Variants in NEK11 observed in about 807,000 individuals in gnomAD.
NEK11 encodes the protein serine/threonine-protein kinase Nek11.
A neutral mutation model predicts 80.7 loss-of-function variants in NEK11; 72 were observed. That is an observed-to-expected ratio of 0.89 (90% CI 0.74 to 1.08). NEK11 has a LOEUF of 1.08. Among genes scored for constraint, NEK11 ranks in the 50% least tolerant of loss-of-function variants. NEK11 has a pLI of 0.00. For missense variants in NEK11, 764 were observed against 763.6 expected (o/e 1.00, Z -0.01); for synonymous variants, 251 against 260.7 (o/e 0.96, Z 0.36).
chr3:131,273,356 T>C lies in NEK11; in HGVS notation c.1622-122T>C, dbSNP rs2096234604. The C allele has an allele frequency of 4.7e-6, 3 of 644,920 alleles. No homozygotes were observed. In the Admixed American group the frequency reaches 7.8e-5, roughly 17 times the overall value. 39.9% of individuals were successfully genotyped at this position (644,920 alleles called of 1,614,324 possible). ...GTGTTATAATTGAATTCATCTCTAA[T>C]TAATGTAGCATTACCATGTGGCAAA... On this transcript the variant is annotated intron_variant, in intron 16 of 17. Transcript: ENST00000383366.
chr3:131,197,512 C>T (rs2094066641), intron 14 of NEK11, among the ~76,000 whole-genome samples: 1 of 152,076 alleles, frequency 6.6e-6, no homozygotes, highest in African/African-American at 2.4e-5. Flanking sequence ...GCCTGAAGTG[C>T]AGGGGATTAT....
chr3:131,058,660 T>G (rs1172699197), intron 3 of NEK11, among the ~76,000 whole-genome samples: 1 of 152,196 alleles, frequency 6.6e-6, no homozygotes, highest in Non-Finnish European at 1.5e-5. Context: ...CCTTAAGAGA[T>G]TCATACTACA....
At chr3:131,155,995 G>A (rs927780016) in intron 10 of NEK11, among the ~76,000 whole-genome samples, 10 of 152,122 alleles carry the variant, frequency 6.6e-5, no homozygotes, top group East Asian at 3.8e-4. Flanking sequence ...TTCAAGAAAC[G>A]TCGAAATTTC....
intron 17 of NEK11, among the ~76,000 whole-genome samples, chr3:131,301,240 C>T (rs1469847238): frequency 6.6e-6 from 1 of 152,122 alleles, no homozygotes; most frequent in Admixed American, 6.6e-5. Context: ...TAGGCTGAAG[C>T]TTTGCTGATG....
intron 14 of NEK11, among the ~76,000 whole-genome samples, chr3:131,177,319 T>G (rs930211110): frequency 3.9e-5 from 6 of 152,224 alleles, no homozygotes; most frequent in African/African-American, 1.4e-4. Flanking sequence ...TTGTTTTTCA[T>G]CAATAAAATG....
chr3:131,133,240 C>A (rs927294527), intron 6 of NEK11: 2 of 454,932 alleles, frequency 4.4e-6, no homozygotes, highest in Admixed American at 4.7e-5. Flanking sequence ...CTTTATTAAC[C>A]TTTAGTTCTT....
In NEK11 at chr3:131,334,114, G is replaced by A. The variant is rs1284003339; in HGVS notation, c.1719-15443G>A. Among the ~76,000 whole-genome samples the A allele has an allele frequency of 5.9e-5, 9 of 152,210 alleles. No individual in the cohort carries two copies. In the South Asian group the frequency reaches 1.7e-3, roughly 28 times the overall value. ...AATTGAACTCAGCTCTGCACCAAGT[G>A]GACCTAATAGACATCTACAGAACTC... On this transcript the variant is annotated intron_variant, in intron 17 of 17. Coordinates refer to ENST00000383366, the MANE Select transcript of NEK11 (RefSeq NM_024800.5).
chr3:131,142,837 G>A (rs1357372518), intron 7 of NEK11, among the ~76,000 whole-genome samples: 10 of 152,114 alleles, frequency 6.6e-5, no homozygotes, highest in Non-Finnish European at 1.3e-4. Flanking sequence ...GGAGGACATG[G>A]GACCACTACA....
chr3:131,089,524 T>A (rs2076439265), intron 4 of NEK11, among the ~76,000 whole-genome samples: 1 of 152,178 alleles, frequency 6.6e-6, no homozygotes, highest in African/African-American at 2.4e-5. Context: ...CTGTAACCTC[T>A]GCCTCCTAGG....
At chr3:131,315,174 A>G (rs1266285161) in intron 17 of NEK11, among the ~76,000 whole-genome samples, 2 of 152,152 alleles carry the variant, frequency 1.3e-5, no homozygotes, top group Non-Finnish European at 2.9e-5. Flanking sequence ...ACCAGTATAC[A>G]ATATTTCTGA....
intron 4 of NEK11, among the ~76,000 whole-genome samples, chr3:131,105,286 A>C (rs2079015912): frequency 6.6e-6 from 1 of 152,234 alleles, no homozygotes; most frequent in African/African-American, 2.4e-5. Context: ...ACCTCAAGAA[A>C]AAGTTGTTTT....
At position 131,166,528 on chromosome 3, in the gene NEK11, C is replaced by A. The variant is rs187808909; in HGVS notation, c.1176+1009C>A. On this transcript the variant is annotated intron_variant, in intron 12 of 17. Coordinates refer to ENST00000383366, the MANE Select transcript of NEK11 (RefSeq NM_024800.5). ...AGTTCTAAAAATCCCAAGTGGGGAC[C>A]AATAAGAGGCCTAGCTTCCTCTAAT... Among the ~76,000 whole-genome samples, 948 of 152,278 alleles carry A rather than the reference C, an allele frequency of 6.2e-3. 5 individuals are homozygous for A. The highest frequency in any genetic ancestry group is 9.2e-3 in the Non-Finnish European group (625 of 68,016).
chr3:131,256,380 A>C (rs939029791), intron 16 of NEK11, among the ~76,000 whole-genome samples: 1 of 152,178 alleles, frequency 6.6e-6, no homozygotes, highest in African/African-American at 2.4e-5. Context: ...TTTTTAAGAG[A>C]TTTAAGAAAT....
intron 12 of NEK11, among the ~76,000 whole-genome samples, chr3:131,166,562 T>C (rs1396957364): frequency 6.6e-6 from 1 of 152,150 alleles, no homozygotes; most frequent in East Asian, 1.9e-4. Context: ...ATTTCAGGAG[T>C]CTTCCTCTGT....
At chr3:131,065,255 A>T (rs2071700694) in intron 3 of NEK11, among the ~76,000 whole-genome samples, 1 of 152,212 alleles carries the variant, frequency 6.6e-6, no homozygotes, top group Admixed American at 6.5e-5. Flanking sequence ...AATGGGGAAA[A>T]TAAGGATGAT....
chr3:131,034,336 T>C (rs1426319759), intron 3 of NEK11, among the ~76,000 whole-genome samples: 1 of 152,236 alleles, frequency 6.6e-6, no homozygotes, highest in Non-Finnish European at 1.5e-5. Context: ...GTGATCTTAC[T>C]ATGCAGAGTT....
At chr3:131,157,524 A>G (rs1057302156) in intron 10 of NEK11, among the ~76,000 whole-genome samples, 3 of 152,176 alleles carry the variant, frequency 2.0e-5, no homozygotes, top group African/African-American at 7.2e-5. Context: ...AATAGAAAAC[A>G]TAGTCAATAA....
rs538490858 is a variant in NEK11 at position 131,172,699 on chromosome 3, G to A, written c.1399+1812G>A. On this transcript the variant is annotated intron_variant, in intron 14 of 17. Coordinates refer to ENST00000383366, the MANE Select transcript of NEK11 (RefSeq NM_024800.5). ...ATGTCAGAGACATTAGAACCAGAGC[G>A]ACTCCATCTTGAATAAGAGCTGAGT... is the stretch of plus-strand genomic sequence containing the variant. 4.6e-5 allele frequency among the ~76,000 whole-genome samples: 7 copies of A among 152,304 alleles called. No homozygotes were observed. The South Asian group carries it at 1.2e-3, about 27-fold the overall frequency.
intron 3 of NEK11, among the ~76,000 whole-genome samples, chr3:131,055,702 C>T (rs961049894): frequency 1.3e-5 from 2 of 152,148 alleles, no homozygotes; most frequent in Non-Finnish European, 2.9e-5. Context: ...TGCGCTCCAA[C>T]CCAAGCAGCA....
Sources: allele counts gnomAD v4.1 joint callset (sites outside exome capture counted in the v4.1 genomes callset), GRCh38; gene constraint gnomAD v4.1.1; transcripts MANE v1.5; gene names NCBI Gene and HGNC (gene_info 2026-07-23, HGNC 2026-07-21).